NID1: variants seen among roughly 807,000 people sequenced by gnomAD.
The protein encoded by NID1 is nidogen 1, also known as nidogen-1.
A neutral mutation model predicts 130.6 loss-of-function variants in NID1; 76 were observed. The ratio of observed to expected loss-of-function variants is 0.58; its 90% CI spans 0.48 to 0.70. The LOEUF (loss-of-function observed/expected upper bound fraction) is 0.70. NID1 is among the 30% of genes least tolerant of loss of function. NID1 has a pLI of 0.00. For missense variants in NID1, 1,517 were observed against 1,664.8 expected (o/e 0.91, Z 1.54); for synonymous variants, 665 against 675.1 (o/e 0.98, Z 0.23).
At position 235,993,654 on chromosome 1, in the gene NID1, T is replaced by G. The variant is rs1014635275; in HGVS notation, c.2746A>C (p.Thr916Pro). 1.1e-5 allele frequency: 17 copies of G among 1,550,458 alleles called. No individual in the cohort carries two copies. Among genetic ancestry groups the G allele is most frequent in the African/African-American group, 1.4e-5 (1 of 73,496 alleles). ...GCCTGCACCCACTTACACGGGGGCGTCATCCCGGGCCTGGTCCTGGTGCCC... is the reference window on the plus strand; with the variant it reads ...GCCTGCACCCACTTACACGGGGGCGGCATCCCGGGCCTGGTCCTGGTGCCC... ...VEGTRTRPGM[T>P]PPCLSTVAPP... The change falls in exon 13 of 20, where the codon ACG (threonine) becomes CCG (proline). Residue 916 changes from threonine (T) to proline (P), a missense_variant. Physicochemically the swap from Thr to Pro is conservative, Grantham distance 38 (BLOSUM62 -1). Transcript: ENST00000264187.
chr1:235,990,864 G>C, intron 14 of NID1, 22 bp downstream of exon 14: 1 of 1,613,400 alleles, frequency 6.2e-7, no homozygotes, highest in Non-Finnish European at 8.5e-7. Flanking sequence ...GCTGTCACCA[G>C]GTATAATCAG....
intron 1 of NID1, among the ~76,000 whole-genome samples, chr1:236,054,037 T>C (rs1015042290): frequency 1.3e-5 from 2 of 152,112 alleles, no homozygotes; most frequent in African/African-American, 4.8e-5. Flanking sequence ...ATGGACACAA[T>C]GGGATGCAAT....
In NID1 at chr1:235,985,388, T is replaced by A. The variant is rs755132453; in HGVS notation, c.3046A>T (p.Ile1016Phe). 23 of 1,614,006 alleles carry A rather than the reference T, an allele frequency of 1.4e-5. No homozygotes were observed. Among genetic ancestry groups the A allele is most frequent in the Non-Finnish European group, 1.0e-5 (12 of 1,179,998 alleles). The change falls in exon 15 of 20, where the codon ATT (isoleucine) becomes TTT (phenylalanine). Residue 1016 changes from isoleucine to phenylalanine, a missense_variant. Transcript: ENST00000264187. ...SLHGGEPTTIIRQDLGSPEGI... is the reference protein window; with the variant it reads ...SLHGGEPTTIFRQDLGSPEGI... Reference sequence around the variant, plus strand: ...ATATTTGCTTACTTACCTTGTCTAATGATGGTGGTTGGCTCTCCACCATGT... The same window carrying A: ...ATATTTGCTTACTTACCTTGTCTAAAGATGGTGGTTGGCTCTCCACCATGT...
At chr1:236,001,048 T>A (rs942835151) in intron 12 of NID1, among the ~76,000 whole-genome samples, 1 of 151,604 alleles carries the variant, frequency 6.6e-6, no homozygotes, top group African/African-American at 2.4e-5. Flanking sequence ...GGGACACACA[T>A]CTCTGGACAA....
At chr1:236,021,300 C>T (rs2102822975) in intron 9 of NID1, among the ~76,000 whole-genome samples, 1 of 152,342 alleles carries the variant, frequency 6.6e-6, no homozygotes, top group East Asian at 1.9e-4. Flanking sequence ...TGAGTAGGCA[C>T]TATGTCCCCT....
At chr1:236,034,700 G>A (rs1441246397) in intron 5 of NID1, among the ~76,000 whole-genome samples, 1 of 152,096 alleles carries the variant, frequency 6.6e-6, no homozygotes, top group Non-Finnish European at 1.5e-5. Context: ...TGATGAAAAT[G>A]TTCTAGAATT....
chr1:236,007,895 G>T (rs1658294919), intron 12 of NID1, among the ~76,000 whole-genome samples: 2 of 151,032 alleles, frequency 1.3e-5, no homozygotes, highest in Non-Finnish European at 2.9e-5. Flanking sequence ...GGGATGATTT[G>T]TTATGCAACA....
intron 4 of NID1, 134 bp downstream of exon 4, chr1:236,041,776 A>C: frequency 8.9e-7 from 1 of 1,124,158 alleles, no homozygotes; most frequent in Non-Finnish European, 1.3e-6. Context: ...GTGAGAGTTC[A>C]GCCTCTACTT....
chr1:236,042,414 T>A, intron 3 of NID1, 122 bp from the exon 4 acceptor site: 1 of 1,259,404 alleles, frequency 7.9e-7, no homozygotes, highest in Non-Finnish European at 1.1e-6. Flanking sequence ...CAGCTAGGAC[T>A]GGAGAGTGGA....
intron 14 of NID1, among the ~76,000 whole-genome samples, chr1:235,990,323 G>A (rs1185023056): frequency 6.6e-6 from 1 of 152,208 alleles, no homozygotes; most frequent in Non-Finnish European, 1.5e-5. Context: ...TGCCTCCAGT[G>A]AGGAATGATA....
rs1344443671 is a variant in NID1, at chr1:235,985,752, G to GTA, written c.2929-248_2929-247insTA. ...TGTGTGTGTGTGTGTGTGTGTGTGT[G>GTA]TGTATATATATGCATAAATATGTAT... On this transcript the variant is annotated intron_variant, in intron 14 of 19. Coordinates refer to ENST00000264187, the MANE Select transcript of NID1 (RefSeq NM_002508.3). Among the ~76,000 whole-genome samples, 938 of 147,068 alleles carry GTA rather than the reference G, an allele frequency of 6.4e-3. 11 individuals carry two copies. The highest frequency in any genetic ancestry group is 0.021 in the African/African-American group (812 of 39,598).
chr1:236,028,016 C>T (rs1035404291), intron 7 of NID1, among the ~76,000 whole-genome samples: 1 of 151,988 alleles, frequency 6.6e-6, no homozygotes, highest in Non-Finnish European at 1.5e-5. Context: ...TTGTTTGACT[C>T]GGCACTTCTA....
At chr1:235,985,268 G>A (rs1657543739) in intron 15 of NID1, 111 bp downstream of exon 15, 2 of 1,137,050 alleles carry the variant, frequency 1.8e-6, no homozygotes, top group Admixed American at 1.8e-5. Context: ...ACAAAAGACT[G>A]AGAAATGTTT....
chr1:236,050,575 T>C (rs1484771664), intron 1 of NID1, among the ~76,000 whole-genome samples: 1 of 150,906 alleles, frequency 6.6e-6, no homozygotes, highest in East Asian at 1.9e-4. Flanking sequence ...AAGATATCAC[T>C]GTTCTTACTC....
chr1:236,050,054 A>AT (rs1659719950), intron 1 of NID1, among the ~76,000 whole-genome samples: 1 of 151,878 alleles, frequency 6.6e-6, no homozygotes. Flanking sequence ...AAAAAAAAAA[A>AT]AAGACTAAGT....
At chr1:236,000,525 A>T (rs1658047008) in intron 12 of NID1, among the ~76,000 whole-genome samples, 2 of 152,074 alleles carry the variant, frequency 1.3e-5, no homozygotes, top group African/African-American at 4.8e-5. Context: ...ACCAACATAC[A>T]TCTTACCTGT....
At chr1:235,981,037 A>G (rs1657421868) in intron 16 of NID1, among the ~76,000 whole-genome samples, 1 of 152,238 alleles carries the variant, frequency 6.6e-6, no homozygotes, top group Non-Finnish European at 1.5e-5. Flanking sequence ...CAAGAAGCAG[A>G]TGTTGGCAGG....
At chr1:235,994,405 G>A (rs941820718) in intron 12 of NID1, among the ~76,000 whole-genome samples, 6 of 152,096 alleles carry the variant, frequency 3.9e-5, no homozygotes, top group Admixed American at 1.3e-4. Context: ...TAGGTGATCC[G>A]CCTGCCTCAG....
intron 9 of NID1, among the ~76,000 whole-genome samples, chr1:236,019,829 G>A (rs996704455): frequency 1.3e-5 from 2 of 152,034 alleles, no homozygotes; most frequent in African/African-American, 4.8e-5. Flanking sequence ...ATCACCTGAG[G>A]TTAGGAGTTC....
Sources: allele counts gnomAD v4.1 joint callset (sites outside exome capture counted in the v4.1 genomes callset), GRCh38; gene constraint gnomAD v4.1.1; transcripts MANE v1.5; gene names NCBI Gene and HGNC (gene_info 2026-07-23, HGNC 2026-07-21).